Variants in SPG7 observed in about 807,000 individuals in gnomAD.
SPG7 encodes mitochondrial inner membrane m-AAA protease component paraplegin.
In SPG7, 103 loss-of-function variants were observed where a neutral mutation model predicts 81.9. The observed-to-expected ratio is 1.26, with a 90% CI of 1.07 to 1.48. The LOEUF (loss-of-function observed/expected upper bound fraction) is 1.48, where lower values mean the gene tolerates loss of function less well. SPG7 is among the 40% of genes most tolerant of loss of function. SPG7 has a pLI of 0.00. For synonymous variants in SPG7, 534 were observed against 444.2 expected, an observed-to-expected ratio of 1.20 and a Z score of -2.54; for missense variants, 1,241 against 1,087.3, an observed-to-expected ratio of 1.14 and a Z score of -1.99.
chr16:89,529,633 A>G (rs1055231160), intron 6 of SPG7, 54 bp downstream of exon 6: 1 of 1,325,852 alleles, frequency 7.5e-7, no homozygotes, highest in African/African-American at 1.4e-5. Context: ...TGTTTGCTGA[A>G]TACTTTTCCC....
At chr16:89,550,639 G>T in intron 13 of SPG7, 30 bp downstream of exon 13, 3 of 1,527,790 alleles carry the variant, frequency 2.0e-6, no homozygotes, top group South Asian at 1.1e-5. Context: ...GGCTCCACGG[G>T]CCTTGGCCAA....
chr16:89,526,301 A>G, intron 4 of SPG7, 28 bp from the exon 5 acceptor site: 1 of 1,613,380 alleles, frequency 6.2e-7, no homozygotes, highest in Non-Finnish European at 8.5e-7. Context: ...TGCGTTTCTC[A>G]TGGTCCCCTC....
Position 89,546,654 on chromosome 16 carries a change from G to A in SPG7, c.1450-4G>A. ...GACTGTCTTTCCTCCCCTGGTTCTG[G>A]CAGGAGAGGCGGGAGATTTTTGAGC... is the stretch of plus-strand genomic sequence containing the variant. On this transcript the variant is annotated splice_polypyrimidine_tract_variant and splice_region_variant and intron_variant, in intron 10 of 16. Coordinates refer to ENST00000645818, the MANE Select transcript of SPG7 (RefSeq NM_003119.4). 6.2e-7 allele frequency: 1 copy of A among 1,605,410 alleles called. No homozygotes were observed.
At chr16:89,536,777 AC>A (rs1172147871) in intron 9 of SPG7, 5 of 1,613,790 alleles carry the variant, frequency 3.1e-6, no homozygotes, top group African/African-American at 1.3e-5. Context: ...GCCTCTCTTG[AC>A]CAGCTACCCT....
At chr16:89,549,163 G>A (rs777012551) in intron 12 of SPG7, 6 of 456,728 alleles carry the variant, frequency 1.3e-5, no homozygotes, top group Admixed American at 7.0e-5. Context: ...TGTGGAAATC[G>A]AAAAGCTTTT....
intron 9 of SPG7, among the ~76,000 whole-genome samples, chr16:89,542,729 C>T (rs1473230068): frequency 6.6e-6 from 1 of 152,058 alleles, no homozygotes; most frequent in Admixed American, 6.5e-5. Context: ...CGTTCAAGGT[C>T]CTGTCCTAAG....
intron 3 of SPG7, chr16:89,520,658 A>G (rs1450731429): frequency 6.6e-6 from 1 of 152,134 alleles, no homozygotes; most frequent in Non-Finnish European, 1.5e-5. Flanking sequence ...CAGCCTCCCA[A>G]AGTGCCTGGA....
At chr16:89,515,300 G>A (rs1028790585) in intron 3 of SPG7, among the ~76,000 whole-genome samples, 9 of 148,498 alleles carry the variant, frequency 6.1e-5, no homozygotes, top group Non-Finnish European at 1.0e-4. Context: ...ACGGAGTCTC[G>A]CTCTGTTGCC....
intron 3 of SPG7, among the ~76,000 whole-genome samples, chr16:89,513,955 G>T (rs528941075): frequency 1.2e-3 from 183 of 152,164 alleles, no homozygotes; most frequent in Non-Finnish European, 2.4e-3. Context: ...GCAGGAGTTT[G>T]TTTCAGGAGT....
At chr16:89,544,070 G>A (rs189311605) in intron 9 of SPG7, 122 of 176,966 alleles carry the variant, frequency 6.9e-4, no homozygotes, top group Admixed American at 1.1e-3. Context: ...ATCCAGTCAG[G>A]TGTTCCCAGC....
At chr16:89,519,840 G>A (rs2058161750) in intron 3 of SPG7, 2 of 152,392 alleles carry the variant, frequency 1.3e-5, no homozygotes, top group South Asian at 4.1e-4. Context: ...GTTTCCAAGT[G>A]GGATGAGCCT....
chr16:89,536,478 G>C lies in SPG7; in HGVS notation c.1324+3842G>C, dbSNP rs866053751. 5.8e-4 allele frequency among the ~76,000 whole-genome samples: 65 copies of C among 111,620 alleles called. 4 individuals carry two copies. The highest frequency in any genetic ancestry group is 7.8e-3 in the Middle Eastern group (1 of 128). The allele number at this position is 111,620 out of a possible 152,430, so 73.2% of individuals were successfully genotyped here. A position where few individuals can be genotyped will look rare whatever the true frequency, so the allele number is the denominator to read the frequency against. ...GTGAGGCGGGTGAGGCGGGTGAGGC[G>C]GGTGAGGTCAGGTGAGGCAGGTGAG... On this transcript the variant is annotated intron_variant, in intron 9 of 16. Transcript: ENST00000645818.
intron 9 of SPG7, chr16:89,543,670 T>TTC (rs1448845667): frequency 1.4e-5 from 2 of 147,638 alleles, no homozygotes; most frequent in African/African-American, 5.0e-5. Flanking sequence ...TTTTTTTTTT[T>TTC]CCTGACGGAG....
chr16:89,515,003 C>G (rs1005179669), intron 3 of SPG7, among the ~76,000 whole-genome samples: 6 of 144,010 alleles, frequency 4.2e-5, no homozygotes, highest in African/African-American at 1.6e-4. Flanking sequence ...GTGGTGTGAT[C>G]TCAGCTCACT....
In SPG7 at chr16:89,508,409, C is replaced by T. The variant is rs1368978669; in HGVS notation, c.-9C>T. ...CCGCGGATCACGCAGGCGCGGCTTT[C>T]AGGCCAACATGGCCGTGCTGCTGCT... On this transcript the variant is annotated 5_prime_UTR_variant, in exon 1 of 17. Transcript: ENST00000645818. 19 of 1,478,148 alleles carry T rather than the reference C, an allele frequency of 1.3e-5. No individual in the cohort carries two copies. The highest frequency in any genetic ancestry group is 5.9e-5 in the African/African-American group (4 of 68,172). The allele number at this position is 1,478,148 out of a possible 1,614,324, so 91.6% of individuals were successfully genotyped here. A position where few individuals can be genotyped will look rare whatever the true frequency, so the allele number is the denominator to read the frequency against.
intron 10 of SPG7, 103 bp from the exon 11 acceptor site, chr16:89,546,555 T>A (rs570360217): frequency 1.2e-6 from 1 of 817,158 alleles, no homozygotes; most frequent in Non-Finnish European, 2.2e-6. Flanking sequence ...ACACTTGTAA[T>A]CCCAGCTACT....
At chr16:89,547,396 G>C (rs536026588) in intron 11 of SPG7, 1 of 179,096 alleles carries the variant, frequency 5.6e-6, no homozygotes, top group African/African-American at 2.4e-5. Context: ...GCGTCAGGGC[G>C]GATGGAGCCT....
intron 16 of SPG7, chr16:89,555,639 T>C: frequency 2.7e-6 from 1 of 372,458 alleles, no homozygotes; most frequent in Admixed American, 4.6e-5. Context: ...CCTCCCTTGT[T>C]TTGAGGGCTC....
chr16:89,537,400 C>G (rs1342069870), intron 9 of SPG7: 1 of 1,063,236 alleles, frequency 9.4e-7, no homozygotes, highest in Non-Finnish European at 1.1e-6. Context: ...TGACCACACG[C>G]GGGAGCTGCG....
Sources: allele counts gnomAD v4.1 joint callset (sites outside exome capture counted in the v4.1 genomes callset), GRCh38; gene constraint gnomAD v4.1.1; transcripts MANE v1.5; gene names NCBI Gene and HGNC (gene_info 2026-07-23, HGNC 2026-07-21).